Variants in PCNX2 observed in about 807,000 individuals in gnomAD.
PCNX2 encodes the protein pecanex 2.
PCNX2 carries 168 observed loss-of-function variants against 223.8 expected under a neutral mutation model. The observed-to-expected ratio is 0.75, with a 90% CI of 0.66 to 0.85. The LOEUF is 0.85. Ranked by LOEUF, PCNX2 falls within the 40% of genes least tolerant of loss-of-function variation. The pLI is 0.00. For synonymous variants in PCNX2, 1,006 were observed against 1,052.6 expected (o/e 0.96, Z 0.86); for missense variants, 2,507 against 2,675.5 (o/e 0.94, Z 1.39).
chr1:233,291,795 T>A, intron 1 of PCNX2: 1 of 984,254 alleles, frequency 1.0e-6, no homozygotes, highest in African/African-American at 1.8e-5. Flanking sequence ...TAAGTGACAA[T>A]TTAAATATCT....
chr1:233,261,423 C>T (rs1422025176), intron 3 of PCNX2, 102 bp from the exon 4 acceptor site: 43 of 1,055,096 alleles, frequency 4.1e-5, no homozygotes, highest in Non-Finnish European at 5.9e-5. Context: ...TTCTAAATGG[C>T]ATGTAGGGGA....
chr1:233,292,863 C>T (rs1661852599), intron 1 of PCNX2, among the ~76,000 whole-genome samples: 1 of 152,020 alleles, frequency 6.6e-6, no homozygotes, highest in Non-Finnish European at 1.5e-5. Flanking sequence ...ACTGTACCCA[C>T]ATACAATTAT....
At chr1:233,196,265 A>G (rs1680723463) in intron 15 of PCNX2, among the ~76,000 whole-genome samples, 1 of 152,118 alleles carries the variant, frequency 6.6e-6, no homozygotes, top group African/African-American at 2.4e-5. Flanking sequence ...ATATAATACA[A>G]CTATAAAACT....
At chr1:233,222,451 G>T (rs1306753491) in intron 10 of PCNX2, among the ~76,000 whole-genome samples, 1 of 152,156 alleles carries the variant, frequency 6.6e-6, no homozygotes, top group Non-Finnish European at 1.5e-5. Context: ...CAGCTACTTG[G>T]GAGGCTGGGG....
At chr1:233,138,820 CT>C (rs1676950567) in intron 20 of PCNX2, among the ~76,000 whole-genome samples, 1 of 152,158 alleles carries the variant, frequency 6.6e-6, no homozygotes, top group Non-Finnish European at 1.5e-5. Context: ...CATTTAGTGT[CT>C]GCTTTGTGTG....
At chr1:233,082,682 C>T (rs1673415944) in intron 23 of PCNX2, among the ~76,000 whole-genome samples, 1 of 152,304 alleles carries the variant, frequency 6.6e-6, no homozygotes, top group East Asian at 1.9e-4. Context: ...TTTTGAGAAG[C>T]TCAATGCTTT....
At chr1:233,278,656 G>A (rs1661031851) in intron 1 of PCNX2, among the ~76,000 whole-genome samples, 1 of 152,168 alleles carries the variant, frequency 6.6e-6, no homozygotes, top group Non-Finnish European at 1.5e-5. Context: ...CTCTTCCTCA[G>A]TGTCAGCTCT....
chr1:233,310,925 TG>T, the PCNX2 span, among the ~76,000 whole-genome samples: 2 of 151,908 alleles, frequency 1.3e-5, no homozygotes, highest in Non-Finnish European at 2.9e-5. Flanking sequence ...CCACAAGGAG[TG>T]TACCAGGCTG....
At chr1:233,193,692 A>G (rs775262893) in intron 15 of PCNX2, among the ~76,000 whole-genome samples, 1 of 152,218 alleles carries the variant, frequency 6.6e-6, no homozygotes, top group Non-Finnish European at 1.5e-5. Flanking sequence ...CTAGTGACAG[A>G]AATGGACATC....
intron 1 of PCNX2, chr1:233,291,847 G>C: frequency 2.0e-6 from 2 of 984,642 alleles, no homozygotes; most frequent in Non-Finnish European, 2.4e-6. Context: ...AAGAAAAGGA[G>C]GTTGGGAACT....
In PCNX2 at chr1:233,024,152, C is replaced by A. The variant is rs1037823257; in HGVS notation, c.4605+994G>T. Among the ~76,000 whole-genome samples the A allele has an allele frequency of 3.9e-5, 6 of 152,198 alleles. 1 individual carries two copies. Among genetic ancestry groups the A allele is most frequent in the Non-Finnish European group, 1.5e-5 (1 of 68,042 alleles). ...CTGGTCTTGAACTTCTGGGCTCAAA[C>A]AATCCTCCTGCCTTGGCCTCCCAAA... On this transcript the variant is annotated intron_variant, in intron 26 of 33. Coordinates refer to ENST00000258229, the MANE Select transcript of PCNX2 (RefSeq NM_014801.4).
intron 23 of PCNX2, among the ~76,000 whole-genome samples, chr1:233,061,085 T>A (rs1672389633): frequency 6.6e-6 from 1 of 152,200 alleles, no homozygotes; most frequent in African/African-American, 2.4e-5. Context: ...ACACACAGTC[T>A]ATGGTAAAAG....
At chr1:233,251,446 A>C (rs1302165409) in intron 7 of PCNX2, among the ~76,000 whole-genome samples, 1 of 152,244 alleles carries the variant, frequency 6.6e-6, no homozygotes, top group Non-Finnish European at 1.5e-5. Context: ...GTTTCTGCCC[A>C]GAAGAGCTCC....
intron 1 of PCNX2, among the ~76,000 whole-genome samples, chr1:233,267,391 G>A (rs1278926149): frequency 6.6e-6 from 1 of 152,014 alleles, no homozygotes; most frequent in Admixed American, 6.6e-5. Context: ...ATTTACCATC[G>A]TAACCATTTT....
chr1:233,158,049 A>G (rs1429462433), intron 19 of PCNX2, among the ~76,000 whole-genome samples: 1 of 152,150 alleles, frequency 6.6e-6, no homozygotes, highest in Non-Finnish European at 1.5e-5. Flanking sequence ...AGAAACACAA[A>G]CACACTCACT....
At chr1:233,306,575 A>G in the PCNX2 span, among the ~76,000 whole-genome samples, 4 of 152,240 alleles carry the variant, frequency 2.6e-5, no homozygotes, top group African/African-American at 7.2e-5. Flanking sequence ...AAAGAGGACA[A>G]ATATTTTTAT....
intron 15 of PCNX2, among the ~76,000 whole-genome samples, chr1:233,196,384 AAAACTT>A (rs1190998134): frequency 6.6e-6 from 1 of 152,106 alleles, no homozygotes; most frequent in African/African-American, 2.4e-5. Context: ...ATTGTAACTA[AAAACTT>A]CTGCTTTTCA....
intron 15 of PCNX2, among the ~76,000 whole-genome samples, chr1:233,180,052 C>T (rs1044002871): frequency 5.3e-5 from 8 of 152,186 alleles, no homozygotes; most frequent in East Asian, 1.9e-4. Flanking sequence ...AGCGTGCTCT[C>T]GCCATTGTTC....
At chr1:233,326,132 A>T in the PCNX2 span, among the ~76,000 whole-genome samples, 1 of 152,230 alleles carries the variant, frequency 6.6e-6, no homozygotes, top group Non-Finnish European at 1.5e-5. Context: ...AGGTATAAAC[A>T]TTCTTTAGAC....
Sources: gnomAD v4.1 joint callset for allele counts (sites outside exome capture counted in the v4.1 genomes callset) on GRCh38, gnomAD v4.1.1 for gene constraint, MANE v1.5 for transcripts, NCBI Gene and HGNC (gene_info 2026-07-23, HGNC 2026-07-21) for gene names.